LPAR1: variants seen among roughly 807,000 people sequenced by gnomAD.
LPAR1 encodes lysophosphatidic acid receptor 1.
Under a neutral mutation model 23.8 loss-of-function variants are expected in LPAR1, and 5 were observed. The observed-to-expected ratio is 0.21, with a 90% CI of 0.11 to 0.44. The LOEUF (loss-of-function observed/expected upper bound fraction) is 0.44. LPAR1 is among the 20% of genes least tolerant of loss of function. The pLI is 0.99. For synonymous variants in LPAR1, 160 were observed against 164.7 expected (o/e 0.97, Z 0.22); for missense variants, 311 against 482.8 (o/e 0.64, Z 3.33).
At chr9:110,916,479 T>C (rs144474990) in intron 5 of LPAR1, among the ~76,000 whole-genome samples, 13 of 152,332 alleles carry the variant, frequency 8.5e-5, no homozygotes, top group African/African-American at 9.6e-5. Context: ...CTATAAAACA[T>C]TGACATAGGA....
chr9:110,991,175 G>A (rs994557457), intron 2 of LPAR1, among the ~76,000 whole-genome samples: 2 of 152,200 alleles, frequency 1.3e-5, no homozygotes, highest in Non-Finnish European at 2.9e-5. Context: ...CGTAAGCAAA[G>A]TTTCCTTAGA....
chr9:111,034,566 G>A (rs141889545), intron 2 of LPAR1, among the ~76,000 whole-genome samples: 37 of 152,278 alleles, frequency 2.4e-4, no homozygotes, highest in Non-Finnish European at 4.4e-4. Flanking sequence ...TTTGCGGAGA[G>A]TAGGGAGGAA....
intron 2 of LPAR1, among the ~76,000 whole-genome samples, chr9:111,003,637 A>AAAAGTG (rs2097167643): frequency 6.6e-6 from 1 of 152,098 alleles, no homozygotes; most frequent in East Asian, 1.9e-4. Flanking sequence ...TCAGGGACTA[A>AAAAGTG]AAAGTGGTGG....
intron 5 of LPAR1, among the ~76,000 whole-genome samples, chr9:110,924,070 C>T (rs1167108925): frequency 6.6e-6 from 1 of 151,556 alleles, no homozygotes; most frequent in Admixed American, 6.6e-5. Flanking sequence ...TAACATAGTG[C>T]CACTAAAAAA....
chr9:110,942,307 C>T lies in LPAR1; in HGVS notation c.46-139G>A, dbSNP rs950334723. The T allele has an allele frequency of 1.0e-5, 7 of 687,654 alleles. No homozygotes were observed. In the African/African-American group the frequency reaches 1.3e-4, roughly 12 times the overall value. 42.6% of individuals were successfully genotyped at this position (687,654 alleles called of 1,614,324 possible). A position where few individuals can be genotyped will look rare whatever the true frequency, so the allele number is the denominator to read the frequency against. On this transcript the variant is annotated intron_variant, in intron 4 of 5. Transcript: ENST00000683809. ...AATTTGAACATTTGATCCTGCATACCATCTTGTGATTATGTTGAAACTCCA... is the reference window on the plus strand; with the variant it reads ...AATTTGAACATTTGATCCTGCATACTATCTTGTGATTATGTTGAAACTCCA...
intron 5 of LPAR1, among the ~76,000 whole-genome samples, chr9:110,903,851 T>G (rs187014628): frequency 4.1e-5 from 6 of 147,212 alleles, no homozygotes; most frequent in Non-Finnish European, 8.9e-5. Flanking sequence ...TACCAGGACA[T>G]TTCATAATTA....
At chr9:110,933,678 C>T (rs779667574) in intron 5 of LPAR1, among the ~76,000 whole-genome samples, 1 of 152,168 alleles carries the variant, frequency 6.6e-6, no homozygotes, top group Non-Finnish European at 1.5e-5. Context: ...ATCTTTGCAT[C>T]ATTTATTACC....
At position 110,873,930 on chromosome 9, in the gene LPAR1, G is replaced by C. The variant is rs1178912191; in HGVS notation, c.*1491C>G. 6.6e-6 allele frequency: 1 copy of C among 152,548 alleles called. No individual in the cohort carries two copies. The highest frequency in any genetic ancestry group is 6.5e-5 in the Admixed American group (1 of 15,278). The allele number at this position is 152,548 out of a possible 1,614,324, so 9.4% of individuals were successfully genotyped here. A position where few individuals can be genotyped will look rare whatever the true frequency, so the allele number is the denominator to read the frequency against. ...TTGGGGTACCTTGATTCTTGAGACA[G>C]TTGAATTCTTCTAGTTGATCTTGTT... is the stretch of plus-strand genomic sequence containing the variant. On this transcript the variant is annotated 3_prime_UTR_variant, in exon 6 of 6. Coordinates refer to ENST00000683809, the MANE Select transcript of LPAR1 (RefSeq NM_001351411.2).
rs999973037 is a variant in LPAR1 at position 111,014,728 on chromosome 9, A to G, written c.-182+21394T>C. Among the ~76,000 whole-genome samples, 3 of 152,134 alleles carry G rather than the reference A, an allele frequency of 2.0e-5. No individual in the cohort carries two copies. The South Asian group carries it at 6.2e-4, about 31-fold the overall frequency. The stretch of plus-strand genomic sequence containing the variant: ...TTTATCCATGCCCATGATTTTAAAT[A>G]CCAAATCTGGAGTTCTTTTCTGGGC... On this transcript the variant is annotated intron_variant, in intron 2 of 5. Coordinates refer to ENST00000683809, the MANE Select transcript of LPAR1 (RefSeq NM_001351411.2).
At position 111,008,165 on chromosome 9, in the gene LPAR1, C is replaced by T. The variant is rs139838798; in HGVS notation, c.-182+27957G>A. ...CTCCAACCTGGGCAATAGAACAAGACTCCATCTCAAAAAAAAAAAATCTTA... is the reference window on the plus strand; with the variant it reads ...CTCCAACCTGGGCAATAGAACAAGATTCCATCTCAAAAAAAAAAAATCTTA... On this transcript the variant is annotated intron_variant, in intron 2 of 5. Transcript: ENST00000683809. Among the ~76,000 whole-genome samples, 1,453 of 146,218 alleles carry T rather than the reference C, an allele frequency of 9.9e-3. 21 individuals carry two copies. Among genetic ancestry groups the T allele is most frequent in the African/African-American group, 0.036 (1,357 of 37,380 alleles).
At chr9:111,012,722 T>A (rs994130722) in intron 2 of LPAR1, among the ~76,000 whole-genome samples, 3 of 152,104 alleles carry the variant, frequency 2.0e-5, no homozygotes, top group Non-Finnish European at 4.4e-5. Context: ...ATAAAGCAAT[T>A]ACTTCATTCA....
At chr9:111,032,603 C>G (rs72751897) in intron 2 of LPAR1, among the ~76,000 whole-genome samples, 371 of 152,264 alleles carry the variant, frequency 2.4e-3, no homozygotes, top group Non-Finnish European at 3.9e-3. Context: ...CAGGAATATC[C>G]TTCAATTAGA....
intron 5 of LPAR1, chr9:110,903,334 A>G (rs2089977932): frequency 6.6e-6 from 1 of 152,210 alleles, no homozygotes; most frequent in African/African-American, 2.4e-5. Flanking sequence ...AAAAAGAACC[A>G]CGGTGCTCAC....
rs1330815236 is a variant in LPAR1, at chr9:110,875,389, A to T, written c.*32T>A. ...GGGGAGGCTGTTTATCCTCCAAGAG[A>T]GGACGGCTGGTTCCTCATCTCAGTT... On this transcript the variant is annotated 3_prime_UTR_variant, in exon 6 of 6. Transcript: ENST00000683809. 6 of 1,576,190 alleles carry T rather than the reference A, an allele frequency of 3.8e-6. No homozygotes were observed. Among genetic ancestry groups the T allele is most frequent in the South Asian group, 3.5e-5 (3 of 86,396 alleles).
At chr9:110,878,926 TAG>T (rs1305501909) in intron 5 of LPAR1, among the ~76,000 whole-genome samples, 1 of 152,162 alleles carries the variant, frequency 6.6e-6, no homozygotes, top group Non-Finnish European at 1.5e-5. Context: ...CAAGAGGGAA[TAG>T]AGAGACAACA....
At chr9:110,988,919 T>C (rs976540662) in intron 2 of LPAR1, among the ~76,000 whole-genome samples, 1 of 152,078 alleles carries the variant, frequency 6.6e-6, no homozygotes, top group Admixed American at 6.6e-5. Context: ...AAGTTAAATA[T>C]GGTATTTTTA....
At chr9:110,921,117 G>C (rs1337203277) in intron 5 of LPAR1, among the ~76,000 whole-genome samples, 10 of 152,020 alleles carry the variant, frequency 6.6e-5, no homozygotes, top group Non-Finnish European at 1.0e-4. Flanking sequence ...CTGTGTGACA[G>C]AGCAAAACCC....
chr9:110,940,143 G>GTTAGGCA (rs1378506980), intron 5 of LPAR1, among the ~76,000 whole-genome samples: 3 of 152,106 alleles, frequency 2.0e-5, no homozygotes, highest in Non-Finnish European at 4.4e-5. Flanking sequence ...AGTTAGGCAG[G>GTTAGGCA]GTTTTAGGTG....
At chr9:110,906,894 G>A (rs557764451) in intron 5 of LPAR1, among the ~76,000 whole-genome samples, 219 of 141,122 alleles carry the variant, frequency 1.6e-3, no homozygotes, top group African/African-American at 5.3e-3. Context: ...TAAGGATGAA[G>A]GAAGTTTCTA....
Sources: gnomAD v4.1 joint callset for allele counts (sites outside exome capture counted in the v4.1 genomes callset) on GRCh38, gnomAD v4.1.1 for gene constraint, MANE v1.5 for transcripts, NCBI Gene and HGNC (gene_info 2026-07-23, HGNC 2026-07-21) for gene names.